The following MAPK6 variants were observed in gnomAD, a reference collection of about 807,000 sequenced individuals.
MAPK6 encodes the protein mitogen-activated protein kinase 6, also known as ERK-3.
A neutral mutation model predicts 59.3 loss-of-function variants in MAPK6; 19 were observed. The observed-to-expected ratio is 0.32, with a 90% CI of 0.22 to 0.47. The LOEUF (loss-of-function observed/expected upper bound fraction) is 0.47, where lower values mean the gene tolerates loss of function less well. Among genes scored for constraint, MAPK6 ranks in the 20% least tolerant of loss-of-function variants. The probability of loss-of-function intolerance (pLI) is 1.00; values close to 1 mark genes in which losing one functional copy is unlikely to be tolerated. For missense variants in MAPK6, 724 were observed against 847.9 expected, an observed-to-expected ratio of 0.85 and a Z score of 1.81; for synonymous variants, 316 against 290.3, an observed-to-expected ratio of 1.09 and a Z score of -0.90.
intron 2 of MAPK6, among the ~76,000 whole-genome samples, chr15:51,987,940 ATT>A (rs1381309477): frequency 1.3e-5 from 2 of 151,800 alleles, no homozygotes; most frequent in Non-Finnish European, 2.9e-5. Flanking sequence ...TAATTTTTGT[ATT>A]TTTAGTAGAG....
In MAPK6 at chr15:52,002,309, A is replaced by G. The variant is rs2057244301; in HGVS notation, c.-769-1956A>G. ...GTGAAAGTTTTAGTACCTGGCCGCC[A>G]CCTTCTGCCAGGGGTTATCTGGGTT... On this transcript the variant is annotated intron_variant, in intron 2 of 7. Coordinates refer to the MAPK6 transcript ENST00000691380. 2.6e-5 allele frequency among the ~76,000 whole-genome samples: 4 copies of G among 152,314 alleles called. No homozygotes were observed. The South Asian group carries it at 8.3e-4, about 32-fold the overall frequency.
In MAPK6 at chr15:52,046,847, C is replaced by G; in HGVS notation, c.387C>G (p.Ala129=). The stretch of plus-strand genomic sequence containing the variant: ...AGGGCCCTTTACTGGAAGAGCATGC[C>G]AGGCTTTTCATGTATCAGCTGCTAC... ...LEQGPLLEEH[A]RLFMYQLLRG... Residue 129 remains alanine, a synonymous_variant, in exon 2 of 6, where the codon GCC becomes GCG. Transcript: ENST00000261845. 6.2e-7 allele frequency: 1 copy of G among 1,613,948 alleles called. No individual in the cohort carries two copies. The highest frequency in any genetic ancestry group is 8.5e-7 in the Non-Finnish European group (1 of 1,179,948).
intron 2 of MAPK6, among the ~76,000 whole-genome samples, chr15:52,047,643 GC>G (rs2031636324): frequency 6.8e-6 from 1 of 146,074 alleles, no homozygotes; most frequent in African/African-American, 2.6e-5. Flanking sequence ...CCCATGCCCA[GC>G]CTTTTTTTTT....
At chr15:52,059,395 T>C (rs1449583888) in intron 4 of MAPK6, among the ~76,000 whole-genome samples, 1 of 152,172 alleles carries the variant, frequency 6.6e-6, no homozygotes, top group Non-Finnish European at 1.5e-5. Context: ...CCCACAGTGG[T>C]AGTATTACAG....
upstream of MAPK6, among the ~76,000 whole-genome samples, chr15:52,014,614 A>G (rs1441137017): frequency 6.6e-6 from 1 of 151,556 alleles, no homozygotes; most frequent in Non-Finnish European, 1.5e-5. Flanking sequence ...ATCTGAGGCA[A>G]GAAGATTGCT....
chr15:52,005,161 G>T (rs529696811), intron 3 of MAPK6, among the ~76,000 whole-genome samples: 1 of 152,286 alleles, frequency 6.6e-6, no homozygotes, highest in South Asian at 2.1e-4. Context: ...TACCCCAAAA[G>T]GTGGGAGAAA....
chr15:52,014,588 T>C (rs2030179410), upstream of MAPK6, among the ~76,000 whole-genome samples: 1 of 151,616 alleles, frequency 6.6e-6, no homozygotes, highest in Admixed American at 6.6e-5. Context: ...ATGCCTGTAG[T>C]CCTAGCTACT....
chr15:51,980,105 G>T (rs1431841892), intron 1 of MAPK6, among the ~76,000 whole-genome samples: 1 of 151,534 alleles, frequency 6.6e-6, no homozygotes, highest in African/African-American at 2.4e-5. Flanking sequence ...GGCTAACCTG[G>T]CCAACATGGT....
rs1301005969 is a variant in MAPK6, at chr15:51,975,370, G to A, written c.-880+3464G>A. Among the ~76,000 whole-genome samples the A allele has an allele frequency of 4.6e-5, 7 of 151,432 alleles. No homozygotes were observed. The South Asian group carries it at 8.3e-4, about 18-fold the overall frequency. On this transcript the variant is annotated intron_variant, in intron 1 of 7. Transcript: ENST00000691380. ...ATCCTGGCCAACATGGTGAAACCTCGTCTCTACTAAGAATACAAAAATTAG... is the reference window on the plus strand; with the variant it reads ...ATCCTGGCCAACATGGTGAAACCTCATCTCTACTAAGAATACAAAAATTAG...
Position 52,065,607 on chromosome 15 carries a change from G to A in MAPK6, c.*607G>A, listed in dbSNP as rs1025603832. The A allele has an allele frequency of 2.0e-5, 3 of 152,522 alleles. No homozygotes were observed. The highest frequency in any genetic ancestry group is 7.2e-5 in the African/African-American group (3 of 41,404). The allele number at this position is 152,522 out of a possible 1,614,324, so 9.4% of individuals were successfully genotyped here. ...CTATTCTTAATAAAACTCACTCACT[G>A]TTTATAAATGTTCTGGTATGCATTC... On this transcript the variant is annotated 3_prime_UTR_variant, in exon 6 of 6. Coordinates refer to ENST00000261845, the MANE Select transcript of MAPK6 (RefSeq NM_002748.4).
At chr15:51,975,238 G>C (rs546456864) in intron 1 of MAPK6, among the ~76,000 whole-genome samples, 1 of 151,564 alleles carries the variant, frequency 6.6e-6, no homozygotes, top group Admixed American at 6.6e-5. Flanking sequence ...ATTTTTACAA[G>C]GTAATCAAAA....
At chr15:52,023,363 A>C (rs1012169853) in intron 1 of MAPK6, among the ~76,000 whole-genome samples, 2 of 152,112 alleles carry the variant, frequency 1.3e-5, no homozygotes, top group African/African-American at 4.8e-5. Flanking sequence ...GCTGTTGAAC[A>C]TTACACTACA....
exon 3 of MAPK6, chr15:52,004,323 C>T (rs2057251176): frequency 1.3e-5 from 2 of 152,166 alleles, no homozygotes; most frequent in South Asian, 2.1e-4. Context: ...TCATCAGAAG[C>T]TTCTAAAAGT....
intron 2 of MAPK6, among the ~76,000 whole-genome samples, chr15:51,993,302 C>T (rs925887026): frequency 1.3e-5 from 2 of 152,138 alleles, no homozygotes; most frequent in Non-Finnish European, 2.9e-5. Context: ...ACAAAAGATC[C>T]TCCTAGCACC....
intron 1 of MAPK6, among the ~76,000 whole-genome samples, chr15:52,030,003 CAT>C (rs368780990): frequency 2.0e-5 from 3 of 152,344 alleles, no homozygotes; most frequent in East Asian, 1.9e-4. Context: ...AATCCTGCCT[CAT>C]GTGTTCCTTC....
At chr15:52,059,387 C>T (rs921101279) in intron 4 of MAPK6, among the ~76,000 whole-genome samples, 4 of 152,194 alleles carry the variant, frequency 2.6e-5, no homozygotes, top group Admixed American at 1.3e-4. Context: ...CTCAGCCTCC[C>T]ACAGTGGTAG....
intron 2 of MAPK6, among the ~76,000 whole-genome samples, chr15:51,987,731 C>G (rs1288985875): frequency 6.6e-6 from 1 of 150,394 alleles, no homozygotes; most frequent in Non-Finnish European, 1.5e-5. Flanking sequence ...GGCACTTACT[C>G]GTAGATTTGA....
intron 2 of MAPK6, among the ~76,000 whole-genome samples, chr15:51,993,327 A>G (rs1337846410): frequency 6.6e-6 from 1 of 152,150 alleles, no homozygotes; most frequent in Non-Finnish European, 1.5e-5. Flanking sequence ...TTGCTCAGGA[A>G]ATTAGAAGGG....
chr15:52,058,420 T>TA (rs1229157302), intron 3 of MAPK6, among the ~76,000 whole-genome samples: 2 of 152,054 alleles, frequency 1.3e-5, no homozygotes, highest in Admixed American at 6.6e-5. Flanking sequence ...CAGTTCCCTA[T>TA]GGAAACAAAG....
Sources: gnomAD v4.1 joint callset for allele counts (sites outside exome capture counted in the v4.1 genomes callset) on GRCh38, gnomAD v4.1.1 for gene constraint, MANE v1.5 for transcripts, NCBI Gene and HGNC (gene_info 2026-07-23, HGNC 2026-07-21) for gene names.